RABGAP1L: variants seen among roughly 807,000 people sequenced by gnomAD.
RABGAP1L encodes the protein RAB GTPase activating protein 1 like.
In RABGAP1L, 63 loss-of-function variants were observed where a neutral mutation model predicts 137.7. The ratio of observed to expected loss-of-function variants is 0.46; its 90% confidence interval spans 0.37 to 0.56. RABGAP1L has a LOEUF of 0.56. Among genes scored for constraint, RABGAP1L ranks in the 20% least tolerant of loss-of-function variants. RABGAP1L has a pLI of 0.00. For synonymous variants in RABGAP1L, 431 were observed against 433.7 expected (o/e 0.99, Z 0.08); for missense variants, 1,095 against 1,244.0 (o/e 0.88, Z 1.80).
chr1:174,630,146 G>A (rs1056250179), intron 13 of RABGAP1L, among the ~76,000 whole-genome samples: 5 of 151,752 alleles, frequency 3.3e-5, no homozygotes, highest in Non-Finnish European at 2.9e-5. Context: ...CATCTATTGA[G>A]ATAATCGTGG....
chr1:174,529,799 C>T (rs1426856448), intron 13 of RABGAP1L, among the ~76,000 whole-genome samples: 1 of 152,132 alleles, frequency 6.6e-6, no homozygotes, highest in Non-Finnish European at 1.5e-5. Context: ...AGGCCAGTCT[C>T]CAAGCCCTCA....
intron 11 of RABGAP1L, among the ~76,000 whole-genome samples, chr1:174,320,509 G>T (rs548803317): frequency 6.6e-6 from 1 of 152,262 alleles, no homozygotes; most frequent in East Asian, 1.9e-4. Flanking sequence ...CTAGCTACTG[G>T]CTATCGTGAA....
intron 5 of RABGAP1L, among the ~76,000 whole-genome samples, chr1:174,249,437 C>T (rs954807081): frequency 5.3e-5 from 8 of 152,106 alleles, no homozygotes; most frequent in Non-Finnish European, 1.2e-4. Context: ...ATACCAATAT[C>T]ATTTTAGTAA....
intron 19 of RABGAP1L, among the ~76,000 whole-genome samples, chr1:174,888,449 G>A (rs951110690): frequency 1.2e-4 from 18 of 152,272 alleles, no homozygotes; most frequent in Admixed American, 1.1e-3. Flanking sequence ...TCTTGATCAT[G>A]CCTTCCACTT....
At chr1:174,493,119 G>A (rs1321994309) in intron 13 of RABGAP1L, among the ~76,000 whole-genome samples, 1 of 149,456 alleles carries the variant, frequency 6.7e-6, no homozygotes, top group Non-Finnish European at 1.5e-5. Context: ...TCGCACTTTG[G>A]AGGCTGAGGC....
At chr1:174,234,911 C>T (rs1671026175) in intron 4 of RABGAP1L, among the ~76,000 whole-genome samples, 2 of 128,416 alleles carry the variant, frequency 1.6e-5, no homozygotes, top group Non-Finnish European at 1.6e-5. Flanking sequence ...ATGGAATGTT[C>T]TTCCATTTGT....
At chr1:174,979,178 C>T (rs546116743) in intron 23 of RABGAP1L, among the ~76,000 whole-genome samples, 1 of 152,218 alleles carries the variant, frequency 6.6e-6, no homozygotes, top group South Asian at 2.1e-4. Context: ...GAGCAAGACC[C>T]TGTCTCTAAA....
At chr1:174,424,880 T>A (rs557873611) in intron 13 of RABGAP1L, among the ~76,000 whole-genome samples, 120 of 152,158 alleles carry the variant, frequency 7.9e-4, no homozygotes, top group Middle Eastern at 3.4e-3. Context: ...TACAATTGGA[T>A]CCAAATTTTT....
chr1:174,263,726 G>A (rs963964336), intron 7 of RABGAP1L, among the ~76,000 whole-genome samples: 3 of 150,876 alleles, frequency 2.0e-5, no homozygotes, highest in Admixed American at 6.6e-5. Flanking sequence ...TTTTTTTAAC[G>A]GGGAGTAGGG....
intron 17 of RABGAP1L, among the ~76,000 whole-genome samples, chr1:174,732,923 G>A (rs1032453818): frequency 6.6e-6 from 1 of 152,078 alleles, no homozygotes; most frequent in African/African-American, 2.4e-5. Context: ...CATGATAATT[G>A]TCAGGGCATA....
At chr1:174,907,064 G>A (rs1461940419) in intron 19 of RABGAP1L, among the ~76,000 whole-genome samples, 2 of 148,898 alleles carry the variant, frequency 1.3e-5, no homozygotes, top group African/African-American at 2.4e-5. Context: ...AAAGAAGAAA[G>A]CACTAATGGG....
intron 20 of RABGAP1L, among the ~76,000 whole-genome samples, chr1:174,968,413 A>G (rs1442476428): frequency 2.0e-5 from 3 of 152,320 alleles, no homozygotes; most frequent in East Asian, 3.9e-4. Flanking sequence ...AAGACATGAA[A>G]TAGCTATTCT....
chr1:174,348,520 G>A (rs1468756177), intron 11 of RABGAP1L, among the ~76,000 whole-genome samples: 4 of 140,744 alleles, frequency 2.8e-5, no homozygotes, highest in Non-Finnish European at 6.2e-5. Flanking sequence ...GGATTTGGCA[G>A]GGTCATGGGA....
At chr1:174,821,087 A>G (rs745996028) in intron 19 of RABGAP1L, among the ~76,000 whole-genome samples, 2 of 151,584 alleles carry the variant, frequency 1.3e-5, no homozygotes, top group Non-Finnish European at 2.9e-5. Context: ...CATGCCAATT[A>G]CTATTTTGGC....
chr1:174,442,009 CAAACT>C (rs1361923024), intron 13 of RABGAP1L, among the ~76,000 whole-genome samples: 1 of 151,732 alleles, frequency 6.6e-6, no homozygotes, highest in Non-Finnish European at 1.5e-5. Context: ...TTTTTGGAAA[CAAACT>C]AAAGGGATTT....
intron 19 of RABGAP1L, among the ~76,000 whole-genome samples, chr1:174,814,216 C>A (rs1005813369): frequency 2.0e-5 from 3 of 151,838 alleles, no homozygotes; most frequent in Non-Finnish European, 4.4e-5. Context: ...CTGGGTACAA[C>A]CAGAATAAAT....
chr1:174,551,958 A>G (rs908714686), intron 13 of RABGAP1L, among the ~76,000 whole-genome samples: 1 of 152,198 alleles, frequency 6.6e-6, no homozygotes, highest in Non-Finnish European at 1.5e-5. Flanking sequence ...TGAAAACCAC[A>G]GACTACCAAA....
At chr1:174,820,822 G>A (rs769600552) in intron 19 of RABGAP1L, among the ~76,000 whole-genome samples, 2 of 152,030 alleles carry the variant, frequency 1.3e-5, no homozygotes, top group South Asian at 2.1e-4. Flanking sequence ...TTCAAGATGA[G>A]CCTGGCCAAC....
chr1:174,272,538 C>T, intron 8 of RABGAP1L, 58 bp downstream of exon 8: 1 of 1,412,638 alleles, frequency 7.1e-7, no homozygotes, highest in South Asian at 1.9e-5. Flanking sequence ...TTATATTTGA[C>T]AAGTATTTTC....
Sources: gnomAD v4.1 joint callset for allele counts (sites outside exome capture counted in the v4.1 genomes callset) on GRCh38, gnomAD v4.1.1 for gene constraint, MANE v1.5 for transcripts, NCBI Gene and HGNC (gene_info 2026-07-23, HGNC 2026-07-21) for gene names.